Variants in GBP4 observed in about 807,000 individuals in gnomAD.
GBP4 encodes guanylate binding protein 4.
A neutral mutation model predicts 62.2 loss-of-function variants in GBP4; 69 were observed. That is an observed-to-expected ratio of 1.11 (90% CI 0.91 to 1.36). GBP4 has a LOEUF of 1.36. GBP4 is among the 40% of genes most tolerant of loss of function. The probability of loss-of-function intolerance (pLI) is 0.00; values close to 1 mark genes in which losing one functional copy is unlikely to be tolerated. For synonymous variants in GBP4, 278 were observed against 274.6 expected, an observed-to-expected ratio of 1.01 and a Z score of -0.12; for missense variants, 697 against 759.3, an observed-to-expected ratio of 0.92 and a Z score of 0.96.
rs1648110379 is a variant in GBP4 at position 89,188,920 on chromosome 1, TCACAAGAATG to T, written c.1198-136_1198-127del. 16 of 954,326 alleles carry T rather than the reference TCACAAGAATG, an allele frequency of 1.7e-5. No homozygotes were observed. In the South Asian group the frequency reaches 2.5e-4, roughly 15 times the overall value. The allele number at this position is 954,326 out of a possible 1,614,324, so 59.1% of individuals were successfully genotyped here. ...ACTGGGATATGGTGTAGACCAAGAG[TCACAAGAATG>T]ATTTTGTTCCCAACTATGTGATCTG... On this transcript the variant is annotated intron_variant, in intron 7 of 10. Coordinates refer to ENST00000355754, the MANE Select transcript of GBP4 (RefSeq NM_052941.5).
chr1:89,194,081 G>C (rs1026537284), intron 3 of GBP4, among the ~76,000 whole-genome samples: 1 of 152,200 alleles, frequency 6.6e-6, no homozygotes, highest in Non-Finnish European at 1.5e-5. Flanking sequence ...TCAAAAAGTT[G>C]ATAGAGTGTG....
At chr1:89,186,584 C>T (rs2100673590) in intron 9 of GBP4, 58 bp from the exon 10 acceptor site, 1 of 1,475,000 alleles carries the variant, frequency 6.8e-7, no homozygotes, top group Admixed American at 2.0e-5. Flanking sequence ...GAGTTCTACC[C>T]TCCTGAGCTC....
chr1:89,188,854 G>A (rs1367005876), intron 7 of GBP4, 60 bp from the exon 8 acceptor site: 3 of 1,561,532 alleles, frequency 1.9e-6, no homozygotes, highest in Non-Finnish European at 2.6e-6. Flanking sequence ...AGGTCCAACT[G>A]TGATCCTCTT....
intron 5 of GBP4, among the ~76,000 whole-genome samples, chr1:89,192,471 A>G (rs1283832629): frequency 6.6e-6 from 1 of 152,194 alleles, no homozygotes; most frequent in African/African-American, 2.4e-5. Context: ...AGGGTGAAAT[A>G]TACTTCCAAA....
chr1:89,192,804 T>C, intron 5 of GBP4, 100 bp downstream of exon 5: 3 of 1,104,584 alleles, frequency 2.7e-6, no homozygotes, highest in Non-Finnish European at 3.9e-6. Context: ...CTCAAATCAA[T>C]CCAGTCTAAT....
rs1647992394 is a variant in GBP4 at position 89,184,936 on chromosome 1, A to G, written c.*318T>C. On this transcript the variant is annotated 3_prime_UTR_variant, in exon 11 of 11. Coordinates refer to ENST00000355754, the MANE Select transcript of GBP4 (RefSeq NM_052941.5). ...AGTCATAACTGAAATTATTTCTGTG[A>G]CTATAATATAAATTGCAAATGGTTA... 1 of 195,218 alleles carries G rather than the reference A, an allele frequency of 5.1e-6. No homozygotes were observed. The highest frequency in any genetic ancestry group is 1.0e-5 in the Non-Finnish European group (1 of 97,138). The allele number at this position is 195,218 out of a possible 1,614,324, so 12.1% of individuals were successfully genotyped here. A position where few individuals can be genotyped will look rare whatever the true frequency, so the allele number is the denominator to read the frequency against.
intron 2 of GBP4, among the ~76,000 whole-genome samples, chr1:89,196,000 G>C (rs1648327901): frequency 6.6e-6 from 1 of 152,114 alleles, no homozygotes; most frequent in South Asian, 2.1e-4. Flanking sequence ...CATGTAAATT[G>C]CATTTGAATT....
intron 5 of GBP4, among the ~76,000 whole-genome samples, chr1:89,191,819 T>A (rs987596073): frequency 2.0e-5 from 3 of 152,200 alleles, no homozygotes; most frequent in African/African-American, 7.2e-5. Flanking sequence ...TTTTGAATGA[T>A]TAATTAAATG....
chr1:89,198,068 A>G (rs2100681159), intron 1 of GBP4, among the ~76,000 whole-genome samples: 1 of 152,266 alleles, frequency 6.6e-6, no homozygotes, highest in African/African-American at 2.4e-5. Flanking sequence ...TAAAGTAGGC[A>G]AAAAGTTAAA....
At chr1:89,196,708 G>T (rs1648350404) in intron 2 of GBP4, among the ~76,000 whole-genome samples, 1 of 152,160 alleles carries the variant, frequency 6.6e-6, no homozygotes, top group Non-Finnish European at 1.5e-5. Context: ...TTAAATAGAG[G>T]ATACACAAGA....
chr1:89,189,450 T>C (rs116241204), intron 7 of GBP4, among the ~76,000 whole-genome samples: 4,563 of 152,342 alleles, frequency 0.03, 77 homozygotes, highest in Middle Eastern at 0.048. Flanking sequence ...CTCCTTGGTA[T>C]CCACACCTGC....
rs954506580 is a variant in GBP4 at position 89,191,543 on chromosome 1, C to G, written c.671-37G>C. 9.4e-6 allele frequency: 15 copies of G among 1,597,324 alleles called. No individual in the cohort carries two copies. The African/African-American group carries it at 1.6e-4, about 17-fold the overall frequency. On this transcript the variant is annotated intron_variant, in intron 5 of 10. Transcript: ENST00000355754. ...TAAAAAAGAGGGCTCATTGAAGAGA[C>G]AGCCTGCAGGCAAGGGGGCTGAGGA...
Position 89,182,364 on chromosome 1 carries a change from C to G in GBP4, c.*2890G>C, listed in dbSNP as rs1325435051. On this transcript the variant is annotated 3_prime_UTR_variant, in exon 11 of 11. Transcript: ENST00000355754. ...ATTTGAGCAAACAGGCGGTACATGA[C>G]AGGGGCTGCATGCACTGGTGGTCAG... 6.6e-5 allele frequency: 10 copies of G among 152,172 alleles called. No individual in the cohort carries two copies. The highest frequency in any genetic ancestry group is 6.6e-4 in the Admixed American group (10 of 15,262). 9.4% of individuals were successfully genotyped at this position (152,172 alleles called of 1,614,324 possible).
intron 3 of GBP4, among the ~76,000 whole-genome samples, chr1:89,194,794 G>A (rs1388832358): frequency 6.6e-6 from 1 of 152,148 alleles, no homozygotes; most frequent in Non-Finnish European, 1.5e-5. Flanking sequence ...TACTGAAATA[G>A]ATTCCTTCAC....
rs1162610748 is a variant in GBP4, at chr1:89,188,608, T to C, written c.1384A>G (p.Lys462Glu). Residue 462 changes from lysine (K) to glutamate (E), a missense_variant, in exon 8 of 11, where the codon AAG (lysine) becomes GAG (glutamate). This residue lies in a region of GBP4 where 556 missense variants were observed against 562.7 expected (regional missense o/e 0.99). Coordinates refer to ENST00000355754, the MANE Select transcript of GBP4 (RefSeq NM_052941.5). ...TTAACTCCTTTTCTGGGCACTAGCT[T>C]ATAGTCCCACTCAACCTGTTTCTTT... ...EEKKQVEWDY[K>E]LVPRKGVKAN... 3 of 1,613,912 alleles carry C rather than the reference T, an allele frequency of 1.9e-6. No homozygotes were observed. Among genetic ancestry groups the C allele is most frequent in the East Asian group, 4.5e-5 (2 of 44,882 alleles).
Position 89,183,396 on chromosome 1 carries a change from CAACTT to C in GBP4, c.*1853_*1857del, listed in dbSNP as rs1191237788. On this transcript the variant is annotated 3_prime_UTR_variant, in exon 11 of 11. Coordinates refer to ENST00000355754, the MANE Select transcript of GBP4 (RefSeq NM_052941.5). ...CCCAGCTTACTCTGCATACAAAAAT[CAACTT>C]AAGAAGGATTAAAGACTTAAATATA... is the stretch of plus-strand genomic sequence containing the variant. The C allele has an allele frequency of 1.3e-5, 2 of 152,126 alleles. No individual in the cohort carries two copies. Among genetic ancestry groups the C allele is most frequent in the Non-Finnish European group, 2.9e-5 (2 of 68,014 alleles). The allele number at this position is 152,126 out of a possible 1,614,324, so 9.4% of individuals were successfully genotyped here.
At chr1:89,190,008 GAA>G (rs749975942) in intron 7 of GBP4, 28 bp downstream of exon 7, 6 of 1,580,196 alleles carry the variant, frequency 3.8e-6, no homozygotes, top group Non-Finnish European at 5.2e-6. Context: ...CGGAAGGGCA[GAA>G]ATCAGGAAGG....
chr1:89,185,526 G>A, intron 10 of GBP4, 57 bp from the exon 11 acceptor site: 1 of 904,842 alleles, frequency 1.1e-6, no homozygotes, highest in Non-Finnish European at 1.7e-6. Context: ...AGGAGTCAGA[G>A]TTTTGTATTT....
chr1:89,198,414 G>T (rs1389375039), intron 1 of GBP4, among the ~76,000 whole-genome samples: 1 of 152,056 alleles, frequency 6.6e-6, no homozygotes, highest in East Asian at 1.9e-4. Flanking sequence ...ACAAGGTAGG[G>T]TATCACATAT....
Sources: allele counts gnomAD v4.1 joint callset (sites outside exome capture counted in the v4.1 genomes callset), GRCh38; gene constraint gnomAD v4.1.1; regional missense constraint gnomAD v4.1.1; transcripts MANE v1.5; gene names NCBI Gene and HGNC (gene_info 2026-07-23, HGNC 2026-07-21).